PITPNM2: variants seen among roughly 807,000 people sequenced by gnomAD.
The protein encoded by PITPNM2 is membrane-associated phosphatidylinositol transfer protein 2.
Under a neutral mutation model 132.2 loss-of-function variants are expected in PITPNM2, and 35 were observed. The ratio of observed to expected loss-of-function variants is 0.26; its 90% CI spans 0.20 to 0.35. The LOEUF (loss-of-function observed/expected upper bound fraction) is 0.35, where lower values mean the gene tolerates loss of function less well. PITPNM2 is among the 10% of genes least tolerant of loss of function. The probability of loss-of-function intolerance (pLI) is 1.00; values close to 1 mark genes in which losing one functional copy is unlikely to be tolerated. For synonymous variants in PITPNM2, 738 were observed against 799.2 expected, an observed-to-expected ratio of 0.92 and a Z score of 1.29; for missense variants, 1,332 against 1,912.0, an observed-to-expected ratio of 0.70 and a Z score of 5.66.
intron 2 of PITPNM2, among the ~76,000 whole-genome samples, chr12:123,109,399 G>C (rs942637553): frequency 6.6e-6 from 1 of 152,198 alleles, no homozygotes; most frequent in Non-Finnish European, 1.5e-5. Flanking sequence ...CTGCCAGCTG[G>C]GGGTGGGAGG....
rs655293 is a variant in PITPNM2, at chr12:123,043,858, G to T, written c.-95-9173C>A. Among the ~76,000 whole-genome samples, 4 of 152,190 alleles carry T rather than the reference G, an allele frequency of 2.6e-5. No individual in the cohort carries two copies. The East Asian group carries it at 5.8e-4, about 22-fold the overall frequency. ...CCTCCCTGGCTGTGGCTATCAGCAT[G>T]GCAACCTCAGTTGGGTGGAAACGGG... On this transcript the variant is annotated intron_variant, in intron 2 of 25. Coordinates refer to ENST00000320201, the MANE Select transcript of PITPNM2 (RefSeq NM_020845.3).
intron 5 of PITPNM2, among the ~76,000 whole-genome samples, chr12:123,011,283 A>G (rs1227013051): frequency 6.6e-6 from 1 of 152,144 alleles, no homozygotes; most frequent in Admixed American, 6.6e-5. Flanking sequence ...CAGCTCCACC[A>G]AAATCAGCAG....
Position 123,009,550 on chromosome 12 carries a change from C to T in PITPNM2, c.643+300G>A, listed in dbSNP as rs2039092024. ...TCAGACCTGTGGAGTGTGGGCTACT[C>T]TTTATCAAATGCGAACTAGGTCAGG... On this transcript the variant is annotated intron_variant, in intron 6 of 25. Transcript: ENST00000320201. This position sits in a 1 kb window ranked among gnomAD's most constrained non-coding sequence, Gnocchi z 4.8. 6.6e-6 allele frequency among the ~76,000 whole-genome samples: 1 copy of T among 152,204 alleles called. No homozygotes were observed. The highest frequency in any genetic ancestry group is 2.1e-4 in the South Asian group (1 of 4,824).
At chr12:123,135,178 G>A (rs2043349635) in intron 1 of PITPNM2, among the ~76,000 whole-genome samples, 3 of 152,114 alleles carry the variant, frequency 2.0e-5, no homozygotes, top group African/African-American at 7.2e-5. Context: ...AAAGGCAGAA[G>A]TCAAGCAAAG....
At chr12:123,043,704 C>T in intron 2 of PITPNM2, among the ~76,000 whole-genome samples, 1 of 152,182 alleles carries the variant, frequency 6.6e-6, no homozygotes, top group East Asian at 1.9e-4. Context: ...TGAGGCATCG[C>T]TATGTAATGC....
chr12:122,988,683 G>T (rs775976344), intron 19 of PITPNM2, 41 bp downstream of exon 19: 1 of 1,528,948 alleles, frequency 6.5e-7, no homozygotes, highest in Non-Finnish European at 8.8e-7. Context: ...CATGGGTGTT[G>T]TCACTCAGGG....
chr12:123,026,447 G>T (rs913851334), intron 3 of PITPNM2, among the ~76,000 whole-genome samples: 1 of 152,258 alleles, frequency 6.6e-6, no homozygotes, highest in Admixed American at 6.5e-5. Context: ...AAGAATAAAT[G>T]TCTATTGTTT....
At chr12:123,032,073 T>C (rs1180490587) in intron 3 of PITPNM2, among the ~76,000 whole-genome samples, 2 of 152,240 alleles carry the variant, frequency 1.3e-5, no homozygotes, top group Non-Finnish European at 2.9e-5. Context: ...ATGTGTCGGC[T>C]AGATGGACGG....
At chr12:122,999,859 G>A (rs1185537917) in intron 10 of PITPNM2, among the ~76,000 whole-genome samples, 1 of 152,188 alleles carries the variant, frequency 6.6e-6, no homozygotes. Flanking sequence ...CACACCCCAA[G>A]GCAGATCCAG....
intron 3 of PITPNM2, among the ~76,000 whole-genome samples, chr12:123,033,052 A>G (rs1426078870): frequency 2.6e-5 from 4 of 152,206 alleles, no homozygotes; most frequent in Non-Finnish European, 5.9e-5. Flanking sequence ...TGGGAGCCCA[A>G]TAGGCGAAGC....
intron 2 of PITPNM2, among the ~76,000 whole-genome samples, chr12:123,072,884 A>C (rs1440053163): frequency 6.6e-6 from 1 of 152,246 alleles, no homozygotes; most frequent in Non-Finnish European, 1.5e-5. Context: ...GCCACCAGGC[A>C]AGGGCCCTGG....
At chr12:123,020,486 A>T (rs2039622509) in intron 3 of PITPNM2, among the ~76,000 whole-genome samples, 1 of 152,178 alleles carries the variant, frequency 6.6e-6, no homozygotes, top group South Asian at 2.1e-4. Flanking sequence ...AGCACAATCT[A>T]ATCTGGGTCC....
Position 123,000,897 on chromosome 12 carries a change from G to T in PITPNM2, c.1154-49C>A. 1 of 1,606,296 alleles carries T rather than the reference G, an allele frequency of 6.2e-7. No homozygotes were observed. The highest frequency in any genetic ancestry group is 8.5e-7 in the Non-Finnish European group (1 of 1,173,358). ...TGTGAGCTGAGGGGCAGCCCAACCT[G>T]GCCGACCGGACAGAGGCTGCAACTG... On this transcript the variant is annotated intron_variant, in intron 9 of 25. Transcript: ENST00000320201. The surrounding 1 kb of genome is among the most constrained non-coding windows in gnomAD (Gnocchi z 5.4).
At chr12:123,080,275 G>A (rs1009291232) in intron 2 of PITPNM2, among the ~76,000 whole-genome samples, 1 of 152,156 alleles carries the variant, frequency 6.6e-6, no homozygotes, top group Non-Finnish European at 1.5e-5. Context: ...CTGGAGTGCA[G>A]TGGTGTGATT....
intron 2 of PITPNM2, among the ~76,000 whole-genome samples, chr12:123,045,970 A>C (rs1319158008): frequency 6.6e-6 from 1 of 151,944 alleles, no homozygotes; most frequent in Non-Finnish European, 1.5e-5. Flanking sequence ...CGAGGGTGTC[A>C]CAGCCCTTTA....
intron 1 of PITPNM2, among the ~76,000 whole-genome samples, chr12:123,128,625 C>T (rs562546636): frequency 2.4e-4 from 37 of 151,440 alleles, no homozygotes; most frequent in African/African-American, 8.0e-4. Context: ...TAGTGGCACA[C>T]GTCTGTAATC....
intron 2 of PITPNM2, among the ~76,000 whole-genome samples, chr12:123,051,881 T>C (rs1291012070): frequency 6.6e-6 from 1 of 150,434 alleles, no homozygotes; most frequent in African/African-American, 2.4e-5. Flanking sequence ...GTCATGTAAG[T>C]TCATCTTTCT....
intron 23 of PITPNM2, 97 bp downstream of exon 23, chr12:122,987,184 C>T: frequency 1.3e-6 from 2 of 1,545,822 alleles, no homozygotes; most frequent in Non-Finnish European, 1.8e-6. Context: ...CAGGCGTCCC[C>T]CACAGAGGCT....
Position 122,986,460 on chromosome 12 carries a change from G to A in PITPNM2, c.3702C>T (p.Thr1234=). ...CCTGGCACTGCTGCTGCAGCTTCTT[G>A]GTGGGCCGGCCCACGATGTAGATCT... is the stretch of plus-strand genomic sequence containing the variant. ...PMQIYIVGRP[T]KKLQQQCQFI... Residue 1234 remains threonine (T), a synonymous_variant, in exon 25 of 26, where the codon ACC becomes ACT. Transcript: ENST00000320201. 2 of 1,577,146 alleles carry A rather than the reference G, an allele frequency of 1.3e-6. No individual in the cohort carries two copies. Among genetic ancestry groups the A allele is most frequent in the South Asian group, 1.2e-5 (1 of 86,664 alleles).
Sources: allele counts gnomAD v4.1 joint callset (sites outside exome capture counted in the v4.1 genomes callset), GRCh38; gene constraint gnomAD v4.1.1; non-coding constraint Gnocchi (gnomAD v3.1); transcripts MANE v1.5; gene names NCBI Gene and HGNC (gene_info 2026-07-23, HGNC 2026-07-21).